Variants in ERC2 observed in about 807,000 individuals in gnomAD.
ERC2 encodes the protein ERC protein 2.
Under a neutral mutation model 114.8 loss-of-function variants are expected in ERC2, and 42 were observed. The observed-to-expected ratio is 0.37, with a 90% CI of 0.29 to 0.47. The LOEUF is 0.47. Among genes scored for constraint, ERC2 ranks in the 20% least tolerant of loss-of-function variants. The pLI, the probability that ERC2 is intolerant of heterozygous loss-of-function variation, is 0.99. For synonymous variants in ERC2, 454 were observed against 425.5 expected (o/e 1.07, Z -0.82); for missense variants, 939 against 1,150.7 (o/e 0.82, Z 2.66).
At chr3:55,550,503 A>T (rs1030258939) in intron 17 of ERC2, among the ~76,000 whole-genome samples, 10 of 152,190 alleles carry the variant, frequency 6.6e-5, no homozygotes, top group African/African-American at 2.4e-4. Context: ...CATCTACCTC[A>T]TGTAATTCTC....
chr3:55,995,029 C>T (rs1914865), intron 10 of ERC2, among the ~76,000 whole-genome samples: 58,499 of 152,086 alleles, frequency 0.38, 11,630 homozygotes, highest in Middle Eastern at 0.53. Flanking sequence ...GCTAATGAGA[C>T]TTTTAAAATA....
intron 17 of ERC2, among the ~76,000 whole-genome samples, chr3:55,533,286 C>T (rs575245914): frequency 8.5e-5 from 13 of 152,238 alleles, no homozygotes; most frequent in African/African-American, 2.4e-4. Context: ...GGGTGAGAGA[C>T]GGGGCAGAGG....
chr3:56,325,789 C>T (rs937867473), intron 2 of ERC2, among the ~76,000 whole-genome samples: 7 of 152,106 alleles, frequency 4.6e-5, no homozygotes, highest in Non-Finnish European at 7.4e-5. Flanking sequence ...GTATGATTAC[C>T]ATCCCCTTTC....
rs779911420 is a variant in ERC2 at position 55,864,116 on chromosome 3, TATAC to T, written c.2564+24269_2564+24272del. ...CAGCAGGTATATATATATATATATA[TATAC>T]ACACACACATATATATATACATATA... On this transcript the variant is annotated intron_variant, in intron 14 of 17. Coordinates refer to ENST00000288221, the MANE Select transcript of ERC2 (RefSeq NM_015576.3). Among the ~76,000 whole-genome samples the T allele has an allele frequency of 2.5e-4, 30 of 118,560 alleles. 1 individual carries two copies. In the Middle Eastern group the frequency reaches 0.022, roughly 87 times the overall value. The allele number at this position is 118,560 out of a possible 152,430, so 77.8% of individuals were successfully genotyped here. A position where few individuals can be genotyped will look rare whatever the true frequency, so the allele number is the denominator to read the frequency against.
chr3:56,421,264 G>A (rs2061378751), intron 2 of ERC2, among the ~76,000 whole-genome samples: 1 of 152,228 alleles, frequency 6.6e-6, no homozygotes, highest in Non-Finnish European at 1.5e-5. Context: ...CCTAATACTA[G>A]AACTAAGGCA....
At chr3:55,784,269 A>G (rs2149059723) in intron 14 of ERC2, among the ~76,000 whole-genome samples, 1 of 152,288 alleles carries the variant, frequency 6.6e-6, no homozygotes, top group East Asian at 1.9e-4. Flanking sequence ...TGATGGAATG[A>G]AGACTGTGAG....
intron 2 of ERC2, among the ~76,000 whole-genome samples, chr3:56,432,984 G>C (rs536695407): frequency 2.8e-4 from 43 of 152,130 alleles, no homozygotes; most frequent in Admixed American, 2.0e-3. Flanking sequence ...GACCGGCCTT[G>C]GCAAAATAGC....
intron 2 of ERC2, among the ~76,000 whole-genome samples, chr3:56,363,803 A>AAGGGAGGG (rs200671834): frequency 0.041 from 5,556 of 136,906 alleles, 173 homozygotes; most frequent in African/African-American, 0.079. Context: ...AAGAGGGAAG[A>AAGGGAGGG]AGGGAGGGAG....
At chr3:56,058,108 A>G (rs1402500581) in intron 7 of ERC2, among the ~76,000 whole-genome samples, 2 of 152,220 alleles carry the variant, frequency 1.3e-5, no homozygotes, top group Non-Finnish European at 2.9e-5. Flanking sequence ...AGATACCTGC[A>G]CTTGATAAAC....
At chr3:55,840,515 C>T (rs547124941) in intron 14 of ERC2, among the ~76,000 whole-genome samples, 1 of 151,876 alleles carries the variant, frequency 6.6e-6, no homozygotes, top group South Asian at 2.1e-4. Context: ...AACTGGAACT[C>T]TCATACACTA....
intron 7 of ERC2, among the ~76,000 whole-genome samples, chr3:56,075,899 T>C (rs924805165): frequency 4.6e-5 from 7 of 152,196 alleles, no homozygotes; most frequent in African/African-American, 1.4e-4. Flanking sequence ...ATGTTCTGTA[T>C]CTATCTTCTC....
intron 3 of ERC2, among the ~76,000 whole-genome samples, chr3:56,275,870 C>T (rs1264032001): frequency 2.6e-5 from 4 of 152,106 alleles, no homozygotes; most frequent in African/African-American, 4.8e-5. Context: ...GATAGATGGA[C>T]GTCAGGGATG....
At chr3:55,834,977 C>T (rs1283264276) in intron 14 of ERC2, among the ~76,000 whole-genome samples, 23 of 151,006 alleles carry the variant, frequency 1.5e-4, no homozygotes, top group East Asian at 9.7e-4. Flanking sequence ...AACACCTCTA[C>T]GCAAATAAAC....
At chr3:56,414,311 A>G (rs1369372262) in intron 2 of ERC2, among the ~76,000 whole-genome samples, 4 of 152,132 alleles carry the variant, frequency 2.6e-5, no homozygotes, top group African/African-American at 9.7e-5. Context: ...AGAATTAACC[A>G]ATGCCTGCTA....
At chr3:55,629,926 G>A (rs1341898268) in intron 17 of ERC2, among the ~76,000 whole-genome samples, 2 of 152,190 alleles carry the variant, frequency 1.3e-5, no homozygotes, top group Non-Finnish European at 2.9e-5. Flanking sequence ...ATATGAGACA[G>A]CAGTCTCAGA....
intron 12 of ERC2, among the ~76,000 whole-genome samples, chr3:55,984,722 G>T (rs1286104967): frequency 2.6e-5 from 4 of 152,138 alleles, no homozygotes; most frequent in Non-Finnish European, 4.4e-5. Context: ...TTTAATCTCT[G>T]ATCAGATCTC....
chr3:56,181,023 C>A (rs1292604705), intron 3 of ERC2, among the ~76,000 whole-genome samples: 1 of 152,142 alleles, frequency 6.6e-6, no homozygotes, highest in Non-Finnish European at 1.5e-5. Context: ...TACAGAAATA[C>A]CAGCTGTCTA....
chr3:56,464,934 A>G (rs1005715742), intron 1 of ERC2, among the ~76,000 whole-genome samples: 2 of 152,156 alleles, frequency 1.3e-5, no homozygotes, highest in African/African-American at 4.8e-5. Flanking sequence ...GCAAATGCAG[A>G]TTGTACAAAA....
chr3:55,641,129 G>C (rs1382180545), intron 17 of ERC2, among the ~76,000 whole-genome samples: 3 of 152,136 alleles, frequency 2.0e-5, no homozygotes, highest in South Asian at 2.1e-4. Context: ...AAGTCTGCTA[G>C]AGAATGAAAT....
Sources: allele counts gnomAD v4.1 joint callset (sites outside exome capture counted in the v4.1 genomes callset), GRCh38; gene constraint gnomAD v4.1.1; transcripts MANE v1.5; gene names NCBI Gene and HGNC (gene_info 2026-07-23, HGNC 2026-07-21).